The following ALLC variants were observed in gnomAD, a reference collection of about 807,000 sequenced individuals.
ALLC encodes the protein probable inactive allantoicase.
ALLC carries 40 observed loss-of-function variants against 45.0 expected under a neutral mutation model. The ratio of observed to expected loss-of-function variants is 0.89; its 90% confidence interval spans 0.69 to 1.16. The LOEUF is 1.16. ALLC is among the 50% of genes most tolerant of loss of function. The probability of loss-of-function intolerance (pLI) is 0.00; values close to 1 mark genes in which losing one functional copy is unlikely to be tolerated. For missense variants in ALLC, 488 were observed against 493.1 expected (o/e 0.99, Z 0.10); for synonymous variants, 176 against 178.1 (o/e 0.99, Z 0.09).
chr2:3,658,036 C>T (rs1480500372), upstream of ALLC, among the ~76,000 whole-genome samples: 2 of 152,242 alleles, frequency 1.3e-5, no homozygotes, highest in Non-Finnish European at 2.9e-5. Flanking sequence ...CAGCAGGGAC[C>T]ATGTCTGGCT....
intron 5 of ALLC, 47 bp from the exon 6 acceptor site, chr2:3,681,587 T>G (rs544098837): frequency 2.8e-6 from 4 of 1,406,258 alleles, no homozygotes; most frequent in Non-Finnish European, 3.9e-6. Context: ...AGATTCCCTT[T>G]GATTTTGAAC....
the ALLC span, among the ~76,000 whole-genome samples, chr2:3,647,659 G>C: frequency 6.7e-6 from 1 of 149,330 alleles, no homozygotes; most frequent in Non-Finnish European, 1.5e-5. Flanking sequence ...CCTGGGGGTC[G>C]CTCACCCGTC....
rs559769024 is a variant in ALLC, at chr2:3,660,535, A to T, written c.-63+2241A>T. Among the ~76,000 whole-genome samples, 5 of 152,172 alleles carry T rather than the reference A, an allele frequency of 3.3e-5. No homozygotes were observed. In the South Asian group the frequency reaches 1.0e-3, roughly 32 times the overall value. On this transcript the variant is annotated intron_variant, in intron 1 of 11. Coordinates refer to ENST00000252505, the MANE Select transcript of ALLC (RefSeq NM_018436.4). ...GCCGCCAAAGAAACAGCCCTTGAATATCAATTTTTTTTTTCTTCTCGGCAA... is the reference window on the plus strand; with the variant it reads ...GCCGCCAAAGAAACAGCCCTTGAATTTCAATTTTTTTTTTCTTCTCGGCAA...
chr2:3,681,109 G>C (rs923898712), intron 5 of ALLC, among the ~76,000 whole-genome samples: 1 of 152,278 alleles, frequency 6.6e-6, no homozygotes, highest in African/African-American at 2.4e-5. Flanking sequence ...CTGTGGACAC[G>C]AACGGGCCCT....
At chr2:3,698,099 G>A (rs1195201715) in intron 10 of ALLC, among the ~76,000 whole-genome samples, 2 of 151,954 alleles carry the variant, frequency 1.3e-5, no homozygotes, top group East Asian at 3.9e-4. Context: ...TGAGTAGCTG[G>A]GATTACAGGT....
At chr2:3,651,539 C>T in the ALLC span, among the ~76,000 whole-genome samples, 1 of 151,716 alleles carries the variant, frequency 6.6e-6, no homozygotes, top group Non-Finnish European at 1.5e-5. Context: ...AAGCACCCGG[C>T]CTCGCTCCGC....
At chr2:3,672,319 C>G (rs1666903650) in intron 2 of ALLC, among the ~76,000 whole-genome samples, 1 of 111,044 alleles carries the variant, frequency 9.0e-6, no homozygotes, top group African/African-American at 3.6e-5. Context: ...AGTCCTCTGG[C>G]TCTGGTTAGA....
At position 3,697,554 on chromosome 2, in the gene ALLC, G is replaced by A. The variant is rs1330831095; in HGVS notation, c.850+98G>A. The A allele has an allele frequency of 6.5e-6, 6 of 921,386 alleles. No homozygotes were observed. The African/African-American group carries it at 9.8e-5, about 15-fold the overall frequency. 57.1% of individuals were successfully genotyped at this position (921,386 alleles called of 1,614,324 possible). A position where few individuals can be genotyped will look rare whatever the true frequency, so the allele number is the denominator to read the frequency against. Reference sequence around the variant, plus strand: ...GGACTGAGGACACTGGACTTTCGGTGTGGATTCCCCGTTTAAGCTGTGTAA... The same window carrying A: ...GGACTGAGGACACTGGACTTTCGGTATGGATTCCCCGTTTAAGCTGTGTAA... On this transcript the variant is annotated intron_variant, in intron 10 of 11. Transcript: ENST00000252505.
chr2:3,677,367 CAG>C (rs1667050509), intron 3 of ALLC, among the ~76,000 whole-genome samples: 1 of 152,156 alleles, frequency 6.6e-6, no homozygotes, highest in African/African-American at 2.4e-5. Context: ...GGGTTCAGAG[CAG>C]AGTTTTGCAA....
At chr2:3,700,210 T>C (rs919248680) in intron 10 of ALLC, among the ~76,000 whole-genome samples, 7 of 152,358 alleles carry the variant, frequency 4.6e-5, no homozygotes, top group African/African-American at 1.4e-4. Context: ...TTCAATCTTC[T>C]GCATATGGCT....
intron 6 of ALLC, 106 bp from the exon 7 acceptor site, chr2:3,682,836 T>G: frequency 7.9e-7 from 1 of 1,266,356 alleles, no homozygotes; most frequent in Non-Finnish European, 1.1e-6. Flanking sequence ...CCATCATTAA[T>G]TTTTATTCCA....
chr2:3,679,960 T>C lies in ALLC; in HGVS notation c.264T>C (p.Pro88=), dbSNP rs768486424. 40 of 1,613,812 alleles carry C rather than the reference T, an allele frequency of 2.5e-5. No individual in the cohort carries two copies. The East Asian group carries it at 8.7e-4, about 35-fold the overall frequency. Reference sequence around the variant, plus strand: ...CTTACTTCACGGGAGATTACGCTCCTCGAGTGTCCATTCAAGCAGCAAACT... The same window carrying C: ...CTTACTTCACGGGAGATTACGCTCCCCGAGTGTCCATTCAAGCAGCAAACT... The part of the protein sequence containing the change: ...DVSYFTGDYA[P]RVSIQAANLE... Residue 88 remains proline, a synonymous_variant, in exon 5 of 12, where the codon CCT becomes CCC. Coordinates refer to ENST00000252505, the MANE Select transcript of ALLC (RefSeq NM_018436.4).
Position 3,679,938 on chromosome 2 carries a change from A to C in ALLC, c.242A>C (p.Tyr81Ser). The C allele has an allele frequency of 6.2e-7, 1 of 1,613,920 alleles. No homozygotes were observed. Among genetic ancestry groups the C allele is most frequent in the Non-Finnish European group, 8.5e-7 (1 of 1,179,868 alleles). The change falls in exon 5 of 12, where the codon TAC becomes TCC. Residue 81 changes from tyrosine (Y) to serine (S), a missense_variant. Physicochemically the swap from Tyr to Ser is moderately radical, Grantham distance 144. Coordinates refer to ENST00000252505, the MANE Select transcript of ALLC (RefSeq NM_018436.4). Reference protein sequence around the residue: ...VIRGFDVDVSYFTGDYAPRVS... With the variant: ...VIRGFDVDVSSFTGDYAPRVS... ...CGGGGCTTCGACGTGGACGTTTCTT[A>C]CTTCACGGGAGATTACGCTCCTCGA...
chr2:3,667,890 G>A (rs547584895), intron 1 of ALLC, among the ~76,000 whole-genome samples: 5 of 152,198 alleles, frequency 3.3e-5, no homozygotes, highest in Middle Eastern at 3.4e-3. Flanking sequence ...TCAGCCTCCC[G>A]AGTAGCTGGG....
chr2:3,678,076 G>A (rs983524012), intron 3 of ALLC, among the ~76,000 whole-genome samples: 3 of 152,176 alleles, frequency 2.0e-5, no homozygotes, highest in Non-Finnish European at 4.4e-5. Flanking sequence ...CTCTTCCTAT[G>A]ACTTTGGATG....
intron 8 of ALLC, among the ~76,000 whole-genome samples, 158 bp downstream of exon 8, chr2:3,696,030 C>A (rs1667657237): frequency 6.6e-6 from 1 of 152,194 alleles, no homozygotes; most frequent in Non-Finnish European, 1.5e-5. Context: ...GCCTTTATGA[C>A]ATGAAATAAG....
chr2:3,647,566 T>TGCCC, the ALLC span, among the ~76,000 whole-genome samples: 8 of 151,970 alleles, frequency 5.3e-5, no homozygotes, highest in African/African-American at 1.2e-4. Flanking sequence ...CGCTCACCCA[T>TGCCC]CTTCTCCTGA....
chr2:3,690,205 A>G (rs1391807326), intron 7 of ALLC, among the ~76,000 whole-genome samples: 1 of 135,250 alleles, frequency 7.4e-6, no homozygotes, highest in Non-Finnish European at 1.6e-5. Flanking sequence ...TGTCATCAGT[A>G]AGAGCTTACT....
intron 7 of ALLC, among the ~76,000 whole-genome samples, chr2:3,687,117 C>T (rs913137258): frequency 6.7e-6 from 1 of 150,346 alleles, no homozygotes; most frequent in Non-Finnish European, 1.5e-5. Flanking sequence ...TTTTTCTATA[C>T]CCAATTTATT....
Sources: gnomAD v4.1 joint callset for allele counts (sites outside exome capture counted in the v4.1 genomes callset) on GRCh38, gnomAD v4.1.1 for gene constraint, MANE v1.5 for transcripts, NCBI Gene and HGNC (gene_info 2026-07-23, HGNC 2026-07-21) for gene names.